SORCS1: variants seen among roughly 807,000 people sequenced by gnomAD.
SORCS1 encodes the protein VPS10 domain-containing receptor SorCS1.
SORCS1 carries 60 observed loss-of-function variants against 146.1 expected under a neutral mutation model. The ratio of observed to expected loss-of-function variants is 0.41; its 90% CI spans 0.33 to 0.51. SORCS1 has a LOEUF of 0.51. SORCS1 is among the 20% of genes least tolerant of loss of function. The pLI is 0.21. For missense variants in SORCS1, 1,352 were observed against 1,487.6 expected (o/e 0.91, Z 1.50); for synonymous variants, 637 against 584.0 (o/e 1.09, Z -1.31).
At chr10:106,656,656 G>T (rs1850316858) in intron 17 of SORCS1, among the ~76,000 whole-genome samples, 1 of 146,768 alleles carries the variant, frequency 6.8e-6, no homozygotes, top group South Asian at 2.1e-4. Context: ...TATTTAGTAG[G>T]TTTTTTTTTT....
chr10:106,671,097 C>T lies in SORCS1; in HGVS notation c.2189+140G>A, dbSNP rs200861415. The T allele has an allele frequency of 4.0e-5, 46 of 1,142,640 alleles. 1 individual carries two copies. The East Asian group carries it at 1.1e-3, about 29-fold the overall frequency. The allele number at this position is 1,142,640 out of a possible 1,614,324, so 70.8% of individuals were successfully genotyped here. ...CATACACATACACATAGCTAGTAAA[C>T]TATGAGGTAATTTTATAAGAATATG... On this transcript the variant is annotated intron_variant, in intron 16 of 25. Coordinates refer to ENST00000263054, the MANE Select transcript of SORCS1 (RefSeq NM_052918.5).
chr10:107,011,935 T>G (rs2139743546), intron 1 of SORCS1, among the ~76,000 whole-genome samples: 1 of 152,332 alleles, frequency 6.6e-6, no homozygotes, highest in East Asian at 1.9e-4. Flanking sequence ...TAAGGACTGG[T>G]GAAATAAGGA....
Position 106,667,771 on chromosome 10 carries a change from G to GGCCA in SORCS1, c.2217_2220dup (p.Gln741TrpfsTer27). ...TTGAACCAAAATGCCGGCAGGCACT[G>GGCCA]GCCATTGCTGTGTCGCTCATAACCA... On this transcript the variant is annotated frameshift_variant, in exon 17 of 26. Coordinates refer to ENST00000263054, the MANE Select transcript of SORCS1 (RefSeq NM_052918.5). LOFTEE classifies it high-confidence loss of function. 1 of 1,614,026 alleles carries GGCCA rather than the reference G, an allele frequency of 6.2e-7. No individual in the cohort carries two copies. The highest frequency in any genetic ancestry group is 8.5e-7 in the Non-Finnish European group (1 of 1,179,980).
chr10:106,644,698 C>T (rs1849295011), intron 18 of SORCS1, among the ~76,000 whole-genome samples: 1 of 152,182 alleles, frequency 6.6e-6, no homozygotes, highest in Non-Finnish European at 1.5e-5. Flanking sequence ...ACTATTTTTG[C>T]ATTTTAATTA....
At chr10:106,849,932 A>T (rs1949478023) in intron 2 of SORCS1, among the ~76,000 whole-genome samples, 1 of 151,732 alleles carries the variant, frequency 6.6e-6, no homozygotes, top group South Asian at 2.1e-4. Flanking sequence ...TTGAGGAGGC[A>T]GTCTGCCCGT....
intron 9 of SORCS1, among the ~76,000 whole-genome samples, chr10:106,698,848 G>A (rs1853908633): frequency 6.6e-6 from 1 of 152,066 alleles, no homozygotes; most frequent in Non-Finnish European, 1.5e-5. Flanking sequence ...GAGAGACAAG[G>A]GAGTGCATCC....
At chr10:106,843,076 T>A (rs1488573225) in intron 2 of SORCS1, among the ~76,000 whole-genome samples, 5 of 152,216 alleles carry the variant, frequency 3.3e-5, no homozygotes, top group Non-Finnish European at 7.3e-5. Context: ...TATATGTCCA[T>A]TACCTCAAAC....
intron 5 of SORCS1, among the ~76,000 whole-genome samples, chr10:106,760,260 C>T (rs567789624): frequency 9.2e-5 from 14 of 151,672 alleles, no homozygotes; most frequent in Admixed American, 6.6e-4. Flanking sequence ...CTGGCTAACA[C>T]GGTGAAACTC....
At chr10:106,682,573 A>G (rs1328919103) in intron 10 of SORCS1, among the ~76,000 whole-genome samples, 1 of 152,214 alleles carries the variant, frequency 6.6e-6, no homozygotes, top group African/African-American at 2.4e-5. Context: ...TTATATTAGT[A>G]TATTTTATTA....
intron 2 of SORCS1, among the ~76,000 whole-genome samples, chr10:106,907,922 T>C (rs1460076121): frequency 6.6e-6 from 1 of 151,890 alleles, no homozygotes; most frequent in East Asian, 1.9e-4. Context: ...ACATCACATA[T>C]ACAGAAACTC....
intron 19 of SORCS1, among the ~76,000 whole-genome samples, chr10:106,622,141 T>C (rs1327380322): frequency 6.6e-6 from 1 of 151,634 alleles, no homozygotes; most frequent in African/African-American, 2.4e-5. Context: ...AATGCAAAAA[T>C]TAGCTGGGCA....
chr10:107,012,205 C>G (rs1957723972), intron 1 of SORCS1, among the ~76,000 whole-genome samples: 1 of 152,184 alleles, frequency 6.6e-6, no homozygotes, highest in Admixed American at 6.5e-5. Flanking sequence ...GTGGTTTAGC[C>G]TCAAGGAATA....
At chr10:106,783,702 C>G (rs1266633210) in intron 3 of SORCS1, among the ~76,000 whole-genome samples, 1 of 152,154 alleles carries the variant, frequency 6.6e-6, no homozygotes, top group Non-Finnish European at 1.5e-5. Flanking sequence ...AAGATCAAAA[C>G]AGCCAGTTAT....
At chr10:107,085,810 G>A (rs536094318) in intron 1 of SORCS1, among the ~76,000 whole-genome samples, 1 of 152,162 alleles carries the variant, frequency 6.6e-6, no homozygotes, top group South Asian at 2.1e-4. Context: ...TTCTCAAGAA[G>A]AGTAGACAAT....
intron 1 of SORCS1, among the ~76,000 whole-genome samples, chr10:107,071,382 GAA>G (rs926604818): frequency 1.3e-5 from 2 of 152,098 alleles, no homozygotes; most frequent in African/African-American, 4.8e-5. Flanking sequence ...CTTCTCCTTT[GAA>G]AAGTGTCTGT....
chr10:106,878,416 G>T (rs957399457), intron 2 of SORCS1, among the ~76,000 whole-genome samples: 1 of 151,278 alleles, frequency 6.6e-6, no homozygotes, highest in Non-Finnish European at 1.5e-5. Flanking sequence ...CCTTGGGGCG[G>T]TGATTAGGTT....
intron 2 of SORCS1, among the ~76,000 whole-genome samples, chr10:106,881,076 C>CAA (rs59128024): frequency 0.097 from 6,621 of 68,574 alleles, 575 homozygotes; most frequent in African/African-American, 0.23. Flanking sequence ...GACTCTGTCT[C>CAA]AAAAAAAAAA....
rs148165028 is a variant in SORCS1, at chr10:107,142,289, G to A, written c.558+21680C>T. Reference sequence around the variant, plus strand: ...CTACTAGTGACTGATTTTTACAAACGCCAGCTTGTGGTGGGGAGCTTGGAT... The same window carrying A: ...CTACTAGTGACTGATTTTTACAAACACCAGCTTGTGGTGGGGAGCTTGGAT... On this transcript the variant is annotated intron_variant, in intron 1 of 25. Transcript: ENST00000263054. 7.9e-5 allele frequency among the ~76,000 whole-genome samples: 12 copies of A among 152,246 alleles called. 1 individual carries two copies. Among genetic ancestry groups the A allele is most frequent in the African/African-American group, 2.9e-4 (12 of 41,548 alleles).
At chr10:106,911,625 C>G (rs970827088) in intron 2 of SORCS1, among the ~76,000 whole-genome samples, 3 of 152,232 alleles carry the variant, frequency 2.0e-5, no homozygotes, top group Admixed American at 1.3e-4. Flanking sequence ...AGCATTGGCA[C>G]CTGGCATTTC....
Sources: allele counts gnomAD v4.1 joint callset (sites outside exome capture counted in the v4.1 genomes callset), GRCh38; gene constraint gnomAD v4.1.1; transcripts MANE v1.5; gene names NCBI Gene and HGNC (gene_info 2026-07-23, HGNC 2026-07-21).